Variants in PLAC1 observed in about 807,000 individuals in gnomAD.
The protein encoded by PLAC1 is placenta associated 1, also known as placenta-specific protein 1.
For synonymous variants in PLAC1, 68 were observed against 62.1 expected, an observed-to-expected ratio of 1.09 and a Z score of -0.44; for missense variants, 136 against 163.2, an observed-to-expected ratio of 0.83 and a Z score of 0.91.
chrX:134,581,336 G>C (rs1468452219), intron 2 of PLAC1, among the ~76,000 whole-genome samples: 2 of 109,503 alleles, frequency 1.8e-5, no homozygotes, highest in East Asian at 2.9e-4. Context: ...GAAAAAGGGT[G>C]GGGGGCACTT....
At chrX:134,593,713 T>A (rs199980766) in intron 2 of PLAC1, among the ~76,000 whole-genome samples, 1 of 112,137 alleles carries the variant, frequency 8.9e-6, no homozygotes, top group South Asian at 3.7e-4. Context: ...TATTAATATA[T>A]AGAAATACAA....
chrX:134,655,674 A>G (rs2078387725), intron 1 of PLAC1, among the ~76,000 whole-genome samples: 1 of 111,884 alleles, frequency 8.9e-6, no homozygotes, highest in Non-Finnish European at 1.9e-5. Context: ...GTGACACTGA[A>G]TTTTTGAAGA....
chrX:134,611,494 T>G (rs192591173), intron 1 of PLAC1, among the ~76,000 whole-genome samples: 1,566 of 76,760 alleles, frequency 0.02, 38 homozygotes, highest in African/African-American at 0.068. Flanking sequence ...ATTATATATA[T>G]AGATATATAT....
chrX:134,698,954 C>T (rs1194491179), intron 2 of PLAC1, among the ~76,000 whole-genome samples: 2 of 111,253 alleles, frequency 1.8e-5, no homozygotes, highest in African/African-American at 3.3e-5. Context: ...GGCACCAACC[C>T]GGTTTCTCCT....
chrX:134,680,134 A>G (rs935338932), intron 2 of PLAC1, among the ~76,000 whole-genome samples: 10 of 111,937 alleles, frequency 8.9e-5, no homozygotes, highest in Non-Finnish European at 1.5e-4. Flanking sequence ...CAATATTGCA[A>G]TTTGGACATT....
intron 2 of PLAC1, among the ~76,000 whole-genome samples, chrX:134,701,010 G>A (rs1375894529): frequency 1.8e-5 from 2 of 111,864 alleles, no homozygotes; most frequent in Non-Finnish European, 3.8e-5. Context: ...TAAAGCCAGA[G>A]GCATCACATT....
chrX:134,710,213 A>T (rs983579122), intron 2 of PLAC1, among the ~76,000 whole-genome samples: 1 of 112,246 alleles, frequency 8.9e-6, no homozygotes, highest in Non-Finnish European at 1.9e-5. Flanking sequence ...GGAATGGTCT[A>T]GAAATATATG....
At chrX:134,651,191 T>G (rs1392415729) in intron 1 of PLAC1, 1 of 254,468 alleles carries the variant, frequency 3.9e-6, no homozygotes, top group African/African-American at 2.8e-5. Context: ...GGAGCTGTAC[T>G]CTGATAGCTG....
At position 134,669,302 on chromosome X, in the gene PLAC1, A is replaced by C. The variant is rs148185909; in HGVS notation, n.174+64133T>G. Among the ~76,000 whole-genome samples the C allele has an allele frequency of 8.6e-3, 961 of 112,087 alleles. 10 individuals are homozygous for C. Among genetic ancestry groups the C allele is most frequent in the African/African-American group, 0.03 (924 of 30,861 alleles). ...CAGTGGGATATATTTTGGAGCCAGAAAGCTTGGGTTCAAATCCTGATTTCA... is the reference window on the plus strand; with the variant it reads ...CAGTGGGATATATTTTGGAGCCAGACAGCTTGGGTTCAAATCCTGATTTCA... On this transcript the variant is annotated intron_variant and non_coding_transcript_variant, in intron 2 of 2. Coordinates refer to the PLAC1 transcript ENST00000466797.
At chrX:134,595,874 G>T (rs12009589) in intron 2 of PLAC1, among the ~76,000 whole-genome samples, 28,830 of 108,915 alleles carry the variant, frequency 0.26, 3,607 homozygotes, top group African/African-American at 0.47. Context: ...AATGTAATTG[G>T]TGATATGTTA....
intron 1 of PLAC1, among the ~76,000 whole-genome samples, chrX:134,755,080 A>G (rs2078753452): frequency 9.0e-6 from 1 of 111,699 alleles, no homozygotes. Context: ...CTAGGCACAC[A>G]TTTTATGAGC....
chrX:134,712,130 T>C (rs745832273), intron 2 of PLAC1, among the ~76,000 whole-genome samples: 5 of 111,165 alleles, frequency 4.5e-5, no homozygotes, highest in Non-Finnish European at 9.4e-5. Flanking sequence ...TCTAGTACCC[T>C]TCAAATCAGA....
chrX:134,573,371 C>T (rs369774059), intron 2 of PLAC1, among the ~76,000 whole-genome samples: 6 of 111,481 alleles, frequency 5.4e-5, no homozygotes, highest in African/African-American at 2.0e-4. Context: ...TCCACAAAGC[C>T]CCAGAGTCCC....
chrX:134,566,267 G>C lies in PLAC1; in HGVS notation c.416C>G (p.Thr139Arg). Reference protein sequence around the residue: ...SMRVASKSRATAQKDEKCYEV... With the variant: ...SMRVASKSRARAQKDEKCYEV... ...GTAGCATTTCTCATCCTTCTGGGCT[G>C]TGGCCCTGCTCTTGCTGGCTACTCT... Residue 139 changes from threonine (T) to arginine (R), a missense_variant, in exon 3 of 3, where the codon ACA becomes AGA. Transcript: ENST00000359237. 5 of 1,211,813 alleles carry C rather than the reference G, an allele frequency of 4.1e-6. No individual in the cohort carries two copies. Among genetic ancestry groups the C allele is most frequent in the Non-Finnish European group, 5.6e-6 (5 of 895,346 alleles).
At chrX:134,705,150 G>A (rs1476479907) in intron 2 of PLAC1, among the ~76,000 whole-genome samples, 1 of 105,817 alleles carries the variant, frequency 9.5e-6, no homozygotes, top group East Asian at 2.9e-4. Flanking sequence ...GCCAGGCACG[G>A]TGGCTCACGC....
intron 2 of PLAC1, among the ~76,000 whole-genome samples, chrX:134,699,612 A>T (rs1191441009): frequency 1.8e-5 from 2 of 112,621 alleles, no homozygotes; most frequent in Non-Finnish European, 3.8e-5. Flanking sequence ...TTTATTTTTT[A>T]AAATTTCTGT....
chrX:134,694,605 T>G (rs1217927677), intron 2 of PLAC1, among the ~76,000 whole-genome samples: 1 of 112,170 alleles, frequency 8.9e-6, no homozygotes, highest in Non-Finnish European at 1.9e-5. Context: ...TCGGAAATAT[T>G]TGAAGCTTGA....
intron 1 of PLAC1, among the ~76,000 whole-genome samples, chrX:134,648,423 C>G (rs2078345414): frequency 8.9e-6 from 1 of 112,485 alleles, no homozygotes; most frequent in Non-Finnish European, 1.9e-5. Flanking sequence ...TGGGTGCTCA[C>G]ACCTGTAATC....
At chrX:134,728,039 G>C (rs1326611810) in intron 2 of PLAC1, among the ~76,000 whole-genome samples, 1 of 111,544 alleles carries the variant, frequency 9.0e-6, no homozygotes, top group Non-Finnish European at 1.9e-5. Flanking sequence ...GATTTGAATG[G>C]GGAGAAGAAA....
Sources: allele counts gnomAD v4.1 joint callset (sites outside exome capture counted in the v4.1 genomes callset), GRCh38; gene constraint gnomAD v4.1.1; transcripts MANE v1.5; gene names NCBI Gene and HGNC (gene_info 2026-07-23, HGNC 2026-07-21).